BAZ2A: variants seen among roughly 807,000 people sequenced by gnomAD.
BAZ2A encodes the protein bromodomain adjacent to zinc finger domain 2A.
In BAZ2A, 34 loss-of-function variants were observed where a neutral mutation model predicts 199.9. The observed-to-expected ratio is 0.17, with a 90% confidence interval of 0.13 to 0.23. The LOEUF (loss-of-function observed/expected upper bound fraction) is 0.23, where lower values mean the gene tolerates loss of function less well. Ranked by LOEUF, BAZ2A falls within the 10% of genes least tolerant of loss-of-function variation. The probability of loss-of-function intolerance (pLI) is 1.00; values close to 1 mark genes in which losing one functional copy is unlikely to be tolerated. For missense variants in BAZ2A, 2,002 were observed against 2,391.1 expected (o/e 0.84, Z 3.39); for synonymous variants, 857 against 883.9 (o/e 0.97, Z 0.54).
intron 10 of BAZ2A, among the ~76,000 whole-genome samples, chr12:56,609,460 G>A (rs1234840337): frequency 1.3e-5 from 2 of 152,184 alleles, no homozygotes; most frequent in African/African-American, 2.4e-5. Flanking sequence ...AAGATGGAAA[G>A]AAAGGGCAAG....
At chr12:56,622,159 C>T (rs1476144909) in intron 1 of BAZ2A, among the ~76,000 whole-genome samples, 5 of 151,920 alleles carry the variant, frequency 3.3e-5, no homozygotes, top group South Asian at 2.1e-4. Flanking sequence ...GCCAACATGG[C>T]GAAACCCCAT....
Position 56,603,533 on chromosome 12 carries a change from C to T in BAZ2A, c.3206G>A (p.Arg1069Gln), listed in dbSNP as rs750387631. Residue 1069 changes from arginine to glutamine, a missense_variant, in exon 17 of 29, where the codon CGA becomes CAA. Physicochemically the swap from Arg to Gln is conservative, Grantham distance 43 (BLOSUM62 1). Transcript: ENST00000549884. ...TTGGGCCAGTACCTCTCCATCTCTT[C>T]GACCCCTGCGGCCAGGGACAGCTGC... ...SIAAVPGRRG[R>Q]RDGEVDATAS... 11 of 1,613,890 alleles carry T rather than the reference C, an allele frequency of 6.8e-6. No homozygotes were observed. The highest frequency in any genetic ancestry group is 1.7e-5 in the Admixed American group (1 of 60,008).
At chr12:56,606,395 G>C in intron 11 of BAZ2A, 83 bp from the exon 12 acceptor site, 2 of 1,520,998 alleles carry the variant, frequency 1.3e-6, no homozygotes, top group Non-Finnish European at 1.8e-6. Flanking sequence ...AGACAAGGGT[G>C]CTGGGGAGGA....
chr12:56,600,078 A>T lies in BAZ2A; in HGVS notation c.4911T>A (p.Pro1637=). 1 of 1,614,018 alleles carries T rather than the reference A, an allele frequency of 6.2e-7. No individual in the cohort carries two copies. Among genetic ancestry groups the T allele is most frequent in the African/African-American group, 1.3e-5 (1 of 75,044 alleles). The change falls in exon 25 of 29, where the codon CCT becomes CCA. Residue 1637 remains proline, a synonymous_variant. Transcript: ENST00000549884. ...GGGTCTGGCGCCAGACACGAATGCG[A>T]GGGGTGATCTCATATGATCTGGAGG... ...TTTEISYEIT[P]RIRVWRQTLE...
Position 56,611,636 on chromosome 12 carries a change from T to C in BAZ2A, c.1610-3A>G, listed in dbSNP as rs1950560897. 1 of 1,601,128 alleles carries C rather than the reference T, an allele frequency of 6.2e-7. No individual in the cohort carries two copies. Among genetic ancestry groups the C allele is most frequent in the Non-Finnish European group, 8.5e-7 (1 of 1,175,738 alleles). ...AATACGTCTCCTCATGACATCACCT[T>C]GGGAGGAAGGGATACCCAAGTTAAG... is the stretch of plus-strand genomic sequence containing the variant. On this transcript the variant is annotated splice_polypyrimidine_tract_variant and splice_region_variant and intron_variant, in intron 6 of 28. Coordinates refer to ENST00000549884, the MANE Select transcript of BAZ2A (RefSeq NM_001300905.2).
intron 1 of BAZ2A, among the ~76,000 whole-genome samples, chr12:56,620,851 G>T (rs989840373): frequency 2.6e-5 from 4 of 152,106 alleles, no homozygotes; most frequent in African/African-American, 9.7e-5. Flanking sequence ...ATGAGCCACT[G>T]CGCCCAGTCA....
chr12:56,608,280 G>A (rs550615718), intron 10 of BAZ2A, among the ~76,000 whole-genome samples: 5 of 151,686 alleles, frequency 3.3e-5, no homozygotes, highest in South Asian at 2.1e-4. Flanking sequence ...GCCGAGGCAG[G>A]AGAATGGGGT....
chr12:56,634,158 G>A (rs1309466620), upstream of BAZ2A, among the ~76,000 whole-genome samples: 3 of 152,164 alleles, frequency 2.0e-5, no homozygotes, highest in Admixed American at 2.0e-4. Flanking sequence ...AGGGAGTCGG[G>A]GGGCTTCCTT....
At position 56,600,232 on chromosome 12, in the gene BAZ2A, T is replaced by G; in HGVS notation, c.4861A>C (p.Asn1621His). The G allele has an allele frequency of 6.2e-7, 1 of 1,613,914 alleles. No homozygotes were observed. The highest frequency in any genetic ancestry group is 8.5e-7 in the Non-Finnish European group (1 of 1,179,838). ...VLEKALLSTP[N>H]GAPEGTTTEI... is the part of the protein sequence containing the mutation. ...GTAGTGGTGCCCTCAGGGGCACCAT[T>G]AGGTGTGCTAAGCAGGGCCTTCTCC... The change falls in exon 24 of 29, where the codon AAT becomes CAT. Residue 1621 changes from asparagine to histidine, a missense_variant. Physicochemically the swap from Asn to His is moderately conservative, Grantham distance 68. Coordinates refer to ENST00000549884, the MANE Select transcript of BAZ2A (RefSeq NM_001300905.2).
At chr12:56,606,869 T>A (rs1183092983) in intron 10 of BAZ2A, 136 bp from the exon 11 acceptor site, 8 of 666,592 alleles carry the variant, frequency 1.2e-5, no homozygotes, top group Admixed American at 2.6e-5. Flanking sequence ...TTTTTTTTTT[T>A]AAGTATACAT....
At chr12:56,635,118 T>C (rs1951417092), upstream of BAZ2A, 1 of 846,636 alleles carries the variant, frequency 1.2e-6, no homozygotes, top group Non-Finnish European at 1.4e-6. This position sits in a 1 kb window ranked among gnomAD's most constrained non-coding sequence, Gnocchi z 4.1. Context: ...AGGAGAGCAG[T>C]CGCGAAGGAT....
At chr12:56,609,678 A>G (rs1378913573) in intron 10 of BAZ2A, 58 bp downstream of exon 10, 2 of 1,519,392 alleles carry the variant, frequency 1.3e-6, no homozygotes, top group Non-Finnish European at 1.8e-6. Flanking sequence ...GCAATTCATC[A>G]ACATTTTAGA....
At chr12:56,602,489 A>T (rs1178898603) in intron 19 of BAZ2A, among the ~76,000 whole-genome samples, 1 of 152,224 alleles carries the variant, frequency 6.6e-6, no homozygotes, top group African/African-American at 2.4e-5. Context: ...AGCCTTATGA[A>T]GTACATACAC....
At position 56,597,974 on chromosome 12, in the gene BAZ2A, G is replaced by C. The variant is rs1294934515; in HGVS notation, c.*644C>G. On this transcript the variant is annotated 3_prime_UTR_variant, in exon 29 of 29. Transcript: ENST00000549884. ...TTTTCCTTTGAAGGGAAAAGATTTG[G>C]GAGAAGAGAAAAGGAGGGAGGAACC... The C allele has an allele frequency of 2.0e-5, 3 of 152,542 alleles. No homozygotes were observed. Among genetic ancestry groups the C allele is most frequent in the Non-Finnish European group, 2.9e-5 (2 of 68,046 alleles). The allele number at this position is 152,542 out of a possible 1,614,324, so 9.4% of individuals were successfully genotyped here.
In BAZ2A at chr12:56,602,103, C is replaced by T; in HGVS notation, c.3514G>A (p.Glu1172Lys). Residue 1172 changes from glutamate to lysine, a missense_variant, in exon 20 of 29, where the codon GAG (glutamate) becomes AAG (lysine). This residue lies in a region of BAZ2A where 1,081 missense variants were observed against 1,274.7 expected (regional missense o/e 0.85). Transcript: ENST00000549884. ...GCAGTGGTGTTGGAGCCAGCTAACT[C>T]CATCTTCATAGAGAAGAGGGCAGGG... Reference protein sequence around the residue: ...LNPALFSMKMELAGSNTTASS... With the variant: ...LNPALFSMKMKLAGSNTTASS... The T allele has an allele frequency of 6.3e-7, 1 of 1,587,748 alleles. No homozygotes were observed. The highest frequency in any genetic ancestry group is 1.7e-4 in the Middle Eastern group (1 of 6,028).
At chr12:56,613,359 T>C in intron 4 of BAZ2A, 126 bp from the exon 5 acceptor site, 2 of 953,946 alleles carry the variant, frequency 2.1e-6, no homozygotes, top group Non-Finnish European at 3.2e-6. Flanking sequence ...TTCCTAATAT[T>C]AAGTTAGGTA....
At chr12:56,612,857 G>A (rs909592204) in intron 5 of BAZ2A, among the ~76,000 whole-genome samples, 158 bp downstream of exon 5, 30 of 152,150 alleles carry the variant, frequency 2.0e-4, no homozygotes, top group Non-Finnish European at 3.8e-4. Flanking sequence ...CCTGATCTCA[G>A]GTGATCCACC....
chr12:56,614,545 A>C (rs1233441934), intron 3 of BAZ2A, among the ~76,000 whole-genome samples: 2 of 152,198 alleles, frequency 1.3e-5, no homozygotes, highest in Non-Finnish European at 2.9e-5. Flanking sequence ...AACAACAAAA[A>C]AAAGGAAACT....
chr12:56,609,094 G>A (rs1592581317), intron 10 of BAZ2A, among the ~76,000 whole-genome samples: 1 of 151,910 alleles, frequency 6.6e-6, no homozygotes, highest in South Asian at 2.1e-4. Flanking sequence ...TCGCCAGGAT[G>A]GTCTCAATCT....
Sources: allele counts gnomAD v4.1 joint callset (sites outside exome capture counted in the v4.1 genomes callset), GRCh38; gene constraint gnomAD v4.1.1; regional missense constraint gnomAD v4.1.1; non-coding constraint Gnocchi (gnomAD v3.1); transcripts MANE v1.5; gene names NCBI Gene and HGNC (gene_info 2026-07-23, HGNC 2026-07-21).